The following GARIN1B variants were observed in gnomAD, a reference collection of about 807,000 sequenced individuals.
The protein encoded by GARIN1B is golgi associated RAB2 interactor 1B.
At chr7:128,719,078 T>C in the GARIN1B span, 10 of 1,613,176 alleles carry the variant, frequency 6.2e-6, no homozygotes, top group Non-Finnish European at 8.5e-6. Context: ...CTCAGGAGAT[T>C]CGAAGGTAAG....
At chr7:128,715,442 ATGT>A in the GARIN1B span, 1 of 1,613,922 alleles carries the variant, frequency 6.2e-7, no homozygotes, top group Non-Finnish European at 8.5e-7. Flanking sequence ...ATGTGTAGAA[ATGT>A]TGTCATCATT....
the GARIN1B span, chr7:128,729,781 T>G: frequency 1.0e-6 from 1 of 1,002,950 alleles, no homozygotes; most frequent in Admixed American, 2.0e-5. Flanking sequence ...GGACCATGAA[T>G]GCACGTAATT....
the GARIN1B span, among the ~76,000 whole-genome samples, chr7:128,716,584 G>A: frequency 6.6e-6 from 1 of 152,156 alleles, no homozygotes; most frequent in Non-Finnish European, 1.5e-5. Context: ...ATTTGACGAT[G>A]TCTGGAGACA....
At chr7:128,729,302 A>G in the GARIN1B span, among the ~76,000 whole-genome samples, 1 of 152,188 alleles carries the variant, frequency 6.6e-6, no homozygotes, top group African/African-American at 2.4e-5. Context: ...CTTTCCACTC[A>G]CCACCAGCAG....
chr7:128,716,730 G>A, the GARIN1B span: 2 of 1,145,632 alleles, frequency 1.7e-6, no homozygotes, highest in South Asian at 1.6e-5. Flanking sequence ...AACATTAATA[G>A]TGTCGAGGTT....
the GARIN1B span, chr7:128,724,935 A>G: frequency 3.4e-6 from 4 of 1,173,794 alleles, no homozygotes; most frequent in South Asian, 6.1e-5. Flanking sequence ...CCTTGAGCAT[A>G]TCGAAACCTG....
chr7:128,718,821 G>T, the GARIN1B span: 1 of 1,611,286 alleles, frequency 6.2e-7, no homozygotes, highest in Non-Finnish European at 8.5e-7. Context: ...GTCTTCCCTG[G>T]TGGCTTCAGG....
chr7:128,710,324 A>G, the GARIN1B span, among the ~76,000 whole-genome samples: 2 of 152,366 alleles, frequency 1.3e-5, no homozygotes, highest in Non-Finnish European at 1.5e-5. Flanking sequence ...TTTACCTGCA[A>G]TATAGTACAT....
the GARIN1B span, chr7:128,718,784 T>C: frequency 1.3e-5 from 20 of 1,594,278 alleles, no homozygotes; most frequent in African/African-American, 2.3e-4. Flanking sequence ...CAGGGTCAGA[T>C]TGGATGCAAT....
At chr7:128,714,500 C>T in the GARIN1B span, among the ~76,000 whole-genome samples, 1 of 151,934 alleles carries the variant, frequency 6.6e-6, no homozygotes, top group Admixed American at 6.6e-5. Context: ...ATCGCTTGAA[C>T]TCGGGAGGCA....
At chr7:128,724,933 A>T in the GARIN1B span, 1 of 1,189,944 alleles carries the variant, frequency 8.4e-7, no homozygotes, top group South Asian at 1.5e-5. Flanking sequence ...ACCCTTGAGC[A>T]TATCGAAACC....
chr7:128,730,362 T>C, the GARIN1B span, among the ~76,000 whole-genome samples: 1 of 152,126 alleles, frequency 6.6e-6, no homozygotes, highest in East Asian at 1.9e-4. Flanking sequence ...CCATGTGGTC[T>C]TTCCTCTCTT....
the GARIN1B span, among the ~76,000 whole-genome samples, chr7:128,725,647 T>C: frequency 2.0e-5 from 3 of 152,190 alleles, no homozygotes; most frequent in Non-Finnish European, 4.4e-5. Context: ...GCTGGTATTA[T>C]AGGAGGGAGC....
At chr7:128,717,444 C>CTTTT in the GARIN1B span, among the ~76,000 whole-genome samples, 2 of 136,722 alleles carry the variant, frequency 1.5e-5, no homozygotes, top group Non-Finnish European at 3.2e-5. Context: ...TTCTTTCTTT[C>CTTTT]TTTTTTTTTT....
At chr7:128,717,111 T>A in the GARIN1B span, 1 of 1,008,912 alleles carries the variant, frequency 9.9e-7, no homozygotes, top group Non-Finnish European at 1.4e-6. Context: ...GCAGTGACAT[T>A]GATTTTTTTA....
the GARIN1B span, among the ~76,000 whole-genome samples, chr7:128,716,217 T>G: frequency 6.6e-6 from 1 of 152,100 alleles, no homozygotes; most frequent in Non-Finnish European, 1.5e-5. Context: ...AAAAGTACCT[T>G]GTCTAACAGG....
the GARIN1B span, among the ~76,000 whole-genome samples, chr7:128,716,331 G>A: frequency 6.6e-6 from 1 of 152,104 alleles, no homozygotes; most frequent in Non-Finnish European, 1.5e-5. Context: ...GTTCAGTGAA[G>A]GTGCAGGAGA....
chr7:128,722,308 G>T, the GARIN1B span, among the ~76,000 whole-genome samples: 1 of 152,156 alleles, frequency 6.6e-6, no homozygotes, highest in African/African-American at 2.4e-5. Flanking sequence ...AGGGGTTTCT[G>T]TTTGTCTTCT....
the GARIN1B span, among the ~76,000 whole-genome samples, chr7:128,725,984 G>A: frequency 6.6e-6 from 1 of 152,226 alleles, no homozygotes; most frequent in Non-Finnish European, 1.5e-5. Flanking sequence ...GGGCCAGGCA[G>A]GTTAAGGGAA....
Sources: gnomAD v4.1 joint callset for allele counts (sites outside exome capture counted in the v4.1 genomes callset) on GRCh38, gnomAD v4.1.1 for gene constraint, MANE v1.5 for transcripts, NCBI Gene and HGNC (gene_info 2026-07-23, HGNC 2026-07-21) for gene names.